IRAK4: variants seen among roughly 807,000 people sequenced by gnomAD.
IRAK4 encodes interleukin 1 receptor associated kinase 4, also known as interleukin-1 receptor-associated kinase 4.
A neutral mutation model predicts 51.8 loss-of-function variants in IRAK4; 44 were observed. The observed-to-expected ratio is 0.85, with a 90% CI of 0.67 to 1.09. The LOEUF (loss-of-function observed/expected upper bound fraction) is 1.09. Ranked by LOEUF, IRAK4 falls within the 50% of genes least tolerant of loss-of-function variation. The probability of loss-of-function intolerance (pLI) is 0.00; values close to 1 mark genes in which losing one functional copy is unlikely to be tolerated. For missense variants in IRAK4, 487 were observed against 538.0 expected (o/e 0.91, Z 0.94); for synonymous variants, 149 against 174.1 (o/e 0.86, Z 1.13).
chr12:43,784,595 G>A (rs531203613), intron 10 of IRAK4, among the ~76,000 whole-genome samples: 40 of 152,226 alleles, frequency 2.6e-4, no homozygotes, highest in African/African-American at 8.9e-4. Flanking sequence ...GTTTTCCATC[G>A]TTTTGCCTAA....
At chr12:43,760,299 C>A (rs904461228) in intron 1 of IRAK4, among the ~76,000 whole-genome samples, 2 of 152,196 alleles carry the variant, frequency 1.3e-5, no homozygotes, top group African/African-American at 4.8e-5. Context: ...TGGTCCCAGC[C>A]TGCAGCACGT....
chr12:43,773,726 G>T (rs767207870), intron 5 of IRAK4: 50 of 333,070 alleles, frequency 1.5e-4, no homozygotes, highest in Admixed American at 2.7e-4. Flanking sequence ...GAAATTTCGT[G>T]TTATTTCATT....
At chr12:43,781,469 C>G (rs924203055) in intron 8 of IRAK4, among the ~76,000 whole-genome samples, 1 of 152,152 alleles carries the variant, frequency 6.6e-6, no homozygotes, top group East Asian at 1.9e-4. Flanking sequence ...TATACCATAT[C>G]ATGTTTTTGT....
chr12:43,765,543 CTG>C (rs1478399319), intron 1 of IRAK4, among the ~76,000 whole-genome samples: 1 of 151,880 alleles, frequency 6.6e-6, no homozygotes. Flanking sequence ...TCTTTTCAAA[CTG>C]TCTTATTCTT....
At chr12:43,770,596 A>G (rs1271924588) in intron 2 of IRAK4, among the ~76,000 whole-genome samples, 1 of 152,180 alleles carries the variant, frequency 6.6e-6, no homozygotes, top group Non-Finnish European at 1.5e-5. Flanking sequence ...AATTATTATC[A>G]TCATCTTTGG....
chr12:43,778,264 T>C lies in IRAK4; in HGVS notation c.903T>C (p.Phe301=). 6.2e-7 allele frequency: 1 copy of C among 1,610,198 alleles called. No individual in the cohort carries two copies. The highest frequency in any genetic ancestry group is 8.5e-7 in the Non-Finnish European group (1 of 1,176,502). ...IAQGAANGIN[F]LHENHHIHRD... Reference sequence around the variant, plus strand: ...AGGGTGCAGCTAATGGCATCAATTTTCTACATGAAAATCATCATATTCATA... The same window carrying C: ...AGGGTGCAGCTAATGGCATCAATTTCCTACATGAAAATCATCATATTCATA... Residue 301 remains phenylalanine, a synonymous_variant, in exon 8 of 12, where the codon TTT becomes TTC. Transcript: ENST00000613694.
intron 1 of IRAK4, among the ~76,000 whole-genome samples, chr12:43,767,865 G>T (rs1302026898): frequency 1.3e-5 from 2 of 152,042 alleles, no homozygotes; most frequent in African/African-American, 2.4e-5. Flanking sequence ...AAAGTCCTCC[G>T]ATTTTTATTG....
intron 1 of IRAK4, among the ~76,000 whole-genome samples, chr12:43,762,938 G>A (rs956029289): frequency 5.9e-5 from 9 of 152,110 alleles, no homozygotes; most frequent in Admixed American, 2.0e-4. Context: ...TTCAAAAGAG[G>A]TTTCTCTCTA....
intron 1 of IRAK4, among the ~76,000 whole-genome samples, chr12:43,765,489 TC>T (rs1198102709): frequency 5.9e-5 from 9 of 152,186 alleles, no homozygotes; most frequent in Non-Finnish European, 1.0e-4. Context: ...TGGTGTTTGT[TC>T]TTGCTTTAGT....
chr12:43,770,943 T>C, intron 2 of IRAK4: 1 of 606,308 alleles, frequency 1.6e-6, no homozygotes, highest in South Asian at 1.6e-5. Flanking sequence ...AAGGATAAGT[T>C]AGGCCCTATT....
chr12:43,767,164 G>C (rs745670586), intron 1 of IRAK4, among the ~76,000 whole-genome samples: 28 of 152,158 alleles, frequency 1.8e-4, no homozygotes, highest in Admixed American at 7.2e-4. Flanking sequence ...GAATATCTGA[G>C]TCTATTTGTC....
intron 8 of IRAK4, among the ~76,000 whole-genome samples, chr12:43,778,789 T>G (rs1941525189): frequency 6.6e-6 from 1 of 151,708 alleles, no homozygotes; most frequent in African/African-American, 2.4e-5. Flanking sequence ...TTATATGTAT[T>G]ATTATTATAT....
At position 43,785,631 on chromosome 12, in the gene IRAK4, T is replaced by C. The variant is rs4251537; in HGVS notation, c.1189-768T>C. ...TTGTATATATATATGTGTGTATATA[T>C]ATATATTTATATATATATATATACA... On this transcript the variant is annotated intron_variant, in intron 10 of 11. Transcript: ENST00000613694. Among the ~76,000 whole-genome samples, 1,272 of 144,498 alleles carry C rather than the reference T, an allele frequency of 8.8e-3. 23 individuals carry two copies. Among genetic ancestry groups the C allele is most frequent in the African/African-American group, 0.032 (1,191 of 37,692 alleles). The allele number at this position is 144,498 out of a possible 152,430, so 94.8% of individuals were successfully genotyped here. A position where few individuals can be genotyped will look rare whatever the true frequency, so the allele number is the denominator to read the frequency against.
At chr12:43,773,642 T>G (rs971434000) in intron 5 of IRAK4, among the ~76,000 whole-genome samples, 4 of 152,142 alleles carry the variant, frequency 2.6e-5, no homozygotes, top group African/African-American at 9.7e-5. Flanking sequence ...TTGTAGGGTT[T>G]TTTTTTCCAT....
Position 43,771,266 on chromosome 12 carries a change from T to C in IRAK4, c.208T>C (p.Leu70=). ...LQTGKSPTSE[L]LFDWGTTNCT... ...AACTGGAAAAAGTCCCACTTCTGAA[T>C]TACTGTTTGACTGGGGCACCACAAA... The change falls in exon 3 of 12, where the codon TTA becomes CTA. Residue 70 remains leucine, a synonymous_variant. Transcript: ENST00000613694. 6.2e-7 allele frequency: 1 copy of C among 1,614,066 alleles called. No homozygotes were observed. The highest frequency in any genetic ancestry group is 8.5e-7 in the Non-Finnish European group (1 of 1,179,924).
chr12:43,773,961 T>G lies in IRAK4; in HGVS notation c.652-4T>G. 6.3e-7 allele frequency: 1 copy of G among 1,584,966 alleles called. No individual in the cohort carries two copies. The highest frequency in any genetic ancestry group is 1.1e-5 in the South Asian group (1 of 90,524). On this transcript the variant is annotated splice_region_variant and splice_polypyrimidine_tract_variant and intron_variant, in intron 5 of 11. Transcript: ENST00000613694. Reference sequence around the variant, plus strand: ...GTATTACATTGTATATTTTATTTTTTCAGATGGTTGACATTACTACTGAAG... The same window carrying G: ...GTATTACATTGTATATTTTATTTTTGCAGATGGTTGACATTACTACTGAAG...
chr12:43,787,029 C>T lies in IRAK4; in HGVS notation c.*314C>T. ...CTGGGCTGTATGTAGGGTGGAAACA[C>T]TCTGATCTGAAGCCCAGCTGACTCC... On this transcript the variant is annotated 3_prime_UTR_variant, in exon 12 of 12. Coordinates refer to ENST00000613694, the MANE Select transcript of IRAK4 (RefSeq NM_016123.4). 6.0e-6 allele frequency: 2 copies of T among 335,158 alleles called. No homozygotes were observed. The highest frequency in any genetic ancestry group is 1.1e-5 in the Non-Finnish European group (2 of 183,502). The allele number at this position is 335,158 out of a possible 1,614,324, so 20.8% of individuals were successfully genotyped here. A position where few individuals can be genotyped will look rare whatever the true frequency, so the allele number is the denominator to read the frequency against.
At chr12:43,778,786 T>C (rs1460490986) in intron 8 of IRAK4, among the ~76,000 whole-genome samples, 1 of 151,706 alleles carries the variant, frequency 6.6e-6, no homozygotes, top group Non-Finnish European at 1.5e-5. Flanking sequence ...ATATTATATG[T>C]ATTATTATTA....
chr12:43,771,926 C>T (rs1940808973), intron 3 of IRAK4, among the ~76,000 whole-genome samples: 1 of 152,164 alleles, frequency 6.6e-6, no homozygotes, highest in African/African-American at 2.4e-5. Flanking sequence ...GGTCTATATT[C>T]TTAAACAGGT....
Sources: gnomAD v4.1 joint callset for allele counts (sites outside exome capture counted in the v4.1 genomes callset) on GRCh38, gnomAD v4.1.1 for gene constraint, MANE v1.5 for transcripts, NCBI Gene and HGNC (gene_info 2026-07-23, HGNC 2026-07-21) for gene names.